ZEB1: variants seen among roughly 807,000 people sequenced by gnomAD.
ZEB1 encodes zinc finger E-box-binding homeobox 1.
A neutral mutation model predicts 84.9 loss-of-function variants in ZEB1; 21 were observed. The ratio of observed to expected loss-of-function variants is 0.25; its 90% CI spans 0.18 to 0.36. ZEB1 has a LOEUF of 0.36. ZEB1 is among the 10% of genes least tolerant of loss of function. ZEB1 has a pLI of 1.00. For missense variants in ZEB1, 1,104 were observed against 1,330.2 expected, an observed-to-expected ratio of 0.83 and a Z score of 2.65; for synonymous variants, 420 against 471.1, an observed-to-expected ratio of 0.89 and a Z score of 1.41.
At chr10:31,463,787 T>A (rs1272723763) in intron 2 of ZEB1, among the ~76,000 whole-genome samples, 1 of 152,208 alleles carries the variant, frequency 6.6e-6, no homozygotes, top group Non-Finnish European at 1.5e-5. Context: ...TACAAATATC[T>A]ATTGGCACCA....
At chr10:31,380,863 A>G (rs1448865050) in intron 1 of ZEB1, among the ~76,000 whole-genome samples, 1 of 152,178 alleles carries the variant, frequency 6.6e-6, no homozygotes, top group Non-Finnish European at 1.5e-5. Context: ...TATTTTAATG[A>G]ACGTTGTCAG....
intron 3 of ZEB1, among the ~76,000 whole-genome samples, chr10:31,501,439 C>T (rs927830530): frequency 6.6e-5 from 10 of 152,134 alleles, no homozygotes; most frequent in African/African-American, 2.2e-4. Flanking sequence ...AAAGAATAGG[C>T]TTGTTTTATA....
chr10:31,479,237 T>A (rs1415111241), intron 2 of ZEB1, among the ~76,000 whole-genome samples: 2 of 151,860 alleles, frequency 1.3e-5, no homozygotes, highest in Admixed American at 6.6e-5. Context: ...ATTGAAGCTG[T>A]AATCAAAAAT....
intron 1 of ZEB1, among the ~76,000 whole-genome samples, chr10:31,397,903 G>A (rs989697045): frequency 1.3e-5 from 2 of 152,012 alleles, no homozygotes; most frequent in East Asian, 3.8e-4. Flanking sequence ...CAATGCTTGT[G>A]GATAGATATT....
Position 31,527,321 on chromosome 10 carries a change from T to G in ZEB1, c.*57T>G. 2 of 1,541,284 alleles carry G rather than the reference T, an allele frequency of 1.3e-6. No individual in the cohort carries two copies. The highest frequency in any genetic ancestry group is 1.7e-6 in the Non-Finnish European group (2 of 1,146,348). On this transcript the variant is annotated 3_prime_UTR_variant, in exon 9 of 9. Transcript: ENST00000424869. ...TGATAATGAATTTCGTTCAATATTA[T>G]CCTTGCTTTTCATGGAAACACAGTA... is the stretch of plus-strand genomic sequence containing the variant.
At chr10:31,475,567 A>G (rs1591674007) in intron 2 of ZEB1, among the ~76,000 whole-genome samples, 1 of 152,204 alleles carries the variant, frequency 6.6e-6, no homozygotes, top group South Asian at 2.1e-4. Flanking sequence ...TCACCTATGA[A>G]GGAAGCTCAT....
At chr10:31,464,562 C>T (rs1428573820) in intron 2 of ZEB1, among the ~76,000 whole-genome samples, 2 of 151,694 alleles carry the variant, frequency 1.3e-5, no homozygotes, top group Non-Finnish European at 2.9e-5. Context: ...CAAAGAAGTC[C>T]AATAGATTGA....
chr10:31,524,169 A>C, intron 8 of ZEB1, 56 bp downstream of exon 8: 7 of 1,546,310 alleles, frequency 4.5e-6, no homozygotes, highest in South Asian at 1.2e-5. Flanking sequence ...TGGAAGATGC[A>C]AAATTAAAAA....
chr10:31,372,473 T>C (rs753455674), intron 1 of ZEB1, among the ~76,000 whole-genome samples: 7 of 151,938 alleles, frequency 4.6e-5, no homozygotes, highest in Non-Finnish European at 7.4e-5. Context: ...AGAACCTAAA[T>C]TGGTACAGAA....
At chr10:31,397,156 TTTTTTATTATTATTA>T (rs2050901523) in intron 1 of ZEB1, among the ~76,000 whole-genome samples, 1 of 118,692 alleles carries the variant, frequency 8.4e-6, no homozygotes, top group African/African-American at 3.1e-5. Context: ...TCATCTTGGG[TTTTTTATTATTATTA>T]TTATTATTAT....
At chr10:31,402,550 T>C (rs2135515780) in intron 1 of ZEB1, among the ~76,000 whole-genome samples, 1 of 152,222 alleles carries the variant, frequency 6.6e-6, no homozygotes, top group South Asian at 2.1e-4. Flanking sequence ...ATAGTATACT[T>C]CTCTGGCTTT....
chr10:31,411,487 CCGGGCGCGGTGG>C (rs1226619657), intron 1 of ZEB1, among the ~76,000 whole-genome samples: 1 of 151,904 alleles, frequency 6.6e-6, no homozygotes, highest in African/African-American at 2.4e-5. Context: ...AAAAAATTAG[CCGGGCGCGGTGG>C]CGGGCGCCTG....
At chr10:31,377,447 A>G (rs1233983896) in intron 1 of ZEB1, among the ~76,000 whole-genome samples, 1 of 151,702 alleles carries the variant, frequency 6.6e-6, no homozygotes, top group Non-Finnish European at 1.5e-5. Flanking sequence ...CAGTACCCTT[A>G]TTATATATAT....
chr10:31,407,776 C>T (rs1455443919), intron 1 of ZEB1, among the ~76,000 whole-genome samples: 16 of 151,460 alleles, frequency 1.1e-4, no homozygotes, highest in African/African-American at 3.9e-4. Context: ...GACAAACCCA[C>T]AGCCAATATC....
chr10:31,495,880 G>A, intron 3 of ZEB1, 42 bp downstream of exon 3: 1 of 1,607,920 alleles, frequency 6.2e-7, no homozygotes, highest in South Asian at 1.1e-5. Flanking sequence ...GCCTTTAAAA[G>A]AAGGTCTTTG....
At chr10:31,502,617 A>G (rs930217600) in intron 4 of ZEB1, 108 bp downstream of exon 4, 1 of 1,394,776 alleles carries the variant, frequency 7.2e-7, no homozygotes, top group African/African-American at 1.4e-5. Context: ...TTGAAGACCA[A>G]ACTTTATTAC....
intron 1 of ZEB1, among the ~76,000 whole-genome samples, chr10:31,359,518 C>A (rs1437569744): frequency 2.6e-5 from 4 of 152,136 alleles, no homozygotes; most frequent in African/African-American, 9.7e-5. Context: ...TCTGTTAACA[C>A]AGGAACCATG....
chr10:31,429,123 T>C (rs1486056447), intron 1 of ZEB1, among the ~76,000 whole-genome samples: 2 of 152,218 alleles, frequency 1.3e-5, no homozygotes, highest in East Asian at 3.9e-4. Context: ...AGCTAGTTAC[T>C]TTGCAGACTT....
intron 1 of ZEB1, among the ~76,000 whole-genome samples, chr10:31,357,650 A>G (rs1371595227): frequency 6.6e-6 from 1 of 152,178 alleles, no homozygotes; most frequent in East Asian, 1.9e-4. Context: ...GGAATGGGTA[A>G]AATTCTAAAG....
Sources: gnomAD v4.1 joint callset for allele counts (sites outside exome capture counted in the v4.1 genomes callset) on GRCh38, gnomAD v4.1.1 for gene constraint, MANE v1.5 for transcripts, NCBI Gene and HGNC (gene_info 2026-07-23, HGNC 2026-07-21) for gene names.